COL24A1: variants seen among roughly 807,000 people sequenced by gnomAD.
COL24A1 encodes the protein collagen alpha-1(XXIV) chain.
In COL24A1, 224 loss-of-function variants were observed where a neutral mutation model predicts 253.9. The ratio of observed to expected loss-of-function variants is 0.88; its 90% CI spans 0.79 to 0.99. The LOEUF (loss-of-function observed/expected upper bound fraction) is 0.99. COL24A1 is among the 50% of genes least tolerant of loss of function. The probability of loss-of-function intolerance (pLI) is 0.00; values close to 1 mark genes in which losing one functional copy is unlikely to be tolerated. For synonymous variants in COL24A1, 685 were observed against 673.7 expected (o/e 1.02, Z -0.26); for missense variants, 2,131 against 2,068.5 (o/e 1.03, Z -0.59).
intron 57 of COL24A1, among the ~76,000 whole-genome samples, chr1:85,738,175 A>C (rs1011865117): frequency 1.3e-5 from 2 of 152,234 alleles, no homozygotes; most frequent in Non-Finnish European, 2.9e-5. Context: ...AGTTGAACTT[A>C]ATGAAGTATA....
chr1:85,767,974 C>T (rs1219103462), intron 53 of COL24A1, among the ~76,000 whole-genome samples: 1 of 151,906 alleles, frequency 6.6e-6, no homozygotes, highest in Non-Finnish European at 1.5e-5. Flanking sequence ...GTGGAGGGGA[C>T]AGGAAATAAT....
intron 55 of COL24A1, among the ~76,000 whole-genome samples, chr1:85,746,001 C>G (rs1039121032): frequency 6.6e-6 from 1 of 152,050 alleles, no homozygotes; most frequent in Non-Finnish European, 1.5e-5. Flanking sequence ...GAAAATGTAC[C>G]ATGAGTCCCA....
At chr1:85,961,982 T>TA (rs1691124200) in intron 23 of COL24A1, among the ~76,000 whole-genome samples, 1 of 152,168 alleles carries the variant, frequency 6.6e-6, no homozygotes, top group Non-Finnish European at 1.5e-5. Flanking sequence ...TCTATTTTCT[T>TA]AAAAAATATT....
intron 11 of COL24A1, among the ~76,000 whole-genome samples, chr1:86,049,472 C>G (rs910041353): frequency 2.0e-5 from 3 of 152,082 alleles, no homozygotes; most frequent in Non-Finnish European, 4.4e-5. Context: ...ATTTCAAATT[C>G]TATGACAATC....
chr1:86,005,181 C>T (rs746613900), intron 19 of COL24A1, among the ~76,000 whole-genome samples: 5 of 151,906 alleles, frequency 3.3e-5, no homozygotes, highest in East Asian at 1.9e-4. Context: ...AGTCAGATCA[C>T]GTAAAACAAA....
At chr1:86,085,199 A>G in intron 7 of COL24A1, among the ~76,000 whole-genome samples, 1 of 152,306 alleles carries the variant, frequency 6.6e-6, no homozygotes, top group East Asian at 1.9e-4. Flanking sequence ...GATAAGTCAC[A>G]GTGCATTCCA....
intron 7 of COL24A1, among the ~76,000 whole-genome samples, chr1:86,081,307 G>A (rs1702620829): frequency 3.6e-5 from 1 of 27,614 alleles, no homozygotes. Flanking sequence ...TTCTTCTAAT[G>A]TGAAGTTTTT....
Position 86,046,839 on chromosome 1 carries a change from A to T in COL24A1, c.1936T>A (p.Phe646Ile), listed in dbSNP as rs1213516912. 1.2e-6 allele frequency: 2 copies of T among 1,610,580 alleles called. No individual in the cohort carries two copies. The highest frequency in any genetic ancestry group is 4.5e-5 in the East Asian group (2 of 44,760). ...AATTAAGATACCTGTCTCCCCTTAA[A>T]ACCCTTCTTTCCACGGATCCCAGGA... ...GIPGIRGKKGFKGRQGFPGDF... is the reference protein window; with the variant it reads ...GIPGIRGKKGIKGRQGFPGDF... Residue 646 changes from phenylalanine (F) to isoleucine (I), a missense_variant, in exon 12 of 60, where the codon TTT becomes ATT. Coordinates refer to ENST00000370571, the MANE Select transcript of COL24A1 (RefSeq NM_152890.7).
chr1:86,150,367 A>C (rs780750913), intron 1 of COL24A1, among the ~76,000 whole-genome samples: 8 of 152,216 alleles, frequency 5.3e-5, no homozygotes, highest in Non-Finnish European at 8.8e-5. Flanking sequence ...TGAAATTGAC[A>C]GTAAATACTT....
intron 24 of COL24A1, among the ~76,000 whole-genome samples, chr1:85,950,688 G>A (rs1423289548): frequency 6.6e-6 from 1 of 152,134 alleles, no homozygotes; most frequent in Non-Finnish European, 1.5e-5. Flanking sequence ...TTTGCTTCAC[G>A]AATCATGGCG....
At chr1:85,970,956 T>C (rs1309260231) in intron 21 of COL24A1, among the ~76,000 whole-genome samples, 1 of 152,160 alleles carries the variant, frequency 6.6e-6, no homozygotes, top group Non-Finnish European at 1.5e-5. Flanking sequence ...CTTATACCTG[T>C]AATCCCAGCA....
intron 47 of COL24A1, among the ~76,000 whole-genome samples, chr1:85,792,523 TA>T (rs34566729): frequency 0.018 from 2,338 of 128,046 alleles, 67 homozygotes; most frequent in African/African-American, 0.063. Context: ...ACCCCATCTC[TA>T]AAAAAAAAAA....
intron 5 of COL24A1, among the ~76,000 whole-genome samples, chr1:86,095,042 C>A (rs1703799805): frequency 1.3e-5 from 2 of 151,752 alleles, no homozygotes; most frequent in Non-Finnish European, 2.9e-5. Context: ...TGATTCAAGG[C>A]TATAATTTAC....
intron 28 of COL24A1, among the ~76,000 whole-genome samples, chr1:85,898,286 C>G (rs1683952658): frequency 1.3e-5 from 2 of 152,144 alleles, no homozygotes; most frequent in African/African-American, 4.8e-5. Flanking sequence ...CTGAGATAAG[C>G]TTTGGTTTAG....
intron 10 of COL24A1, among the ~76,000 whole-genome samples, chr1:86,052,342 TA>T (rs1365634147): frequency 6.6e-6 from 1 of 152,090 alleles, no homozygotes; most frequent in Non-Finnish European, 1.5e-5. Context: ...AAATGTTCAT[TA>T]ACAGATGAAT....
chr1:85,956,941 C>T (rs556623913), intron 24 of COL24A1, among the ~76,000 whole-genome samples: 3 of 152,172 alleles, frequency 2.0e-5, no homozygotes, highest in Non-Finnish European at 4.4e-5. Context: ...AACTAGAAAA[C>T]GGCCAGAGAA....
intron 24 of COL24A1, among the ~76,000 whole-genome samples, chr1:85,955,552 G>A (rs1480992274): frequency 6.7e-6 from 1 of 150,022 alleles, no homozygotes; most frequent in East Asian, 1.9e-4. Flanking sequence ...CGTGGGATTG[G>A]AGCCCCAAAA....
At chr1:86,081,950 TA>T (rs1268422785) in intron 7 of COL24A1, among the ~76,000 whole-genome samples, 4 of 152,174 alleles carry the variant, frequency 2.6e-5, no homozygotes, top group Non-Finnish European at 1.5e-5. Flanking sequence ...TTGCTCCTTT[TA>T]AAAGTTTCCT....
At chr1:85,785,995 G>T (rs779029158) in intron 48 of COL24A1, among the ~76,000 whole-genome samples, 1 of 152,192 alleles carries the variant, frequency 6.6e-6, no homozygotes, top group Non-Finnish European at 1.5e-5. Flanking sequence ...AGAGTCAGAA[G>T]AAAAGGAATT....
Sources: allele counts gnomAD v4.1 joint callset (sites outside exome capture counted in the v4.1 genomes callset), GRCh38; gene constraint gnomAD v4.1.1; transcripts MANE v1.5; gene names NCBI Gene and HGNC (gene_info 2026-07-23, HGNC 2026-07-21).